The following ORC2 variants were observed in gnomAD, a reference collection of about 807,000 sequenced individuals.
ORC2 encodes the protein origin recognition complex subunit 2, also known as origin recognition complex protein 2 homolog.
ORC2 carries 37 observed loss-of-function variants against 77.7 expected under a neutral mutation model. The ratio of observed to expected loss-of-function variants is 0.48; its 90% CI spans 0.37 to 0.63. The LOEUF is 0.63. Ranked by LOEUF, ORC2 falls within the 20% of genes least tolerant of loss-of-function variation. The pLI, the probability that ORC2 is intolerant of heterozygous loss-of-function variation, is 0.00. For synonymous variants in ORC2, 201 were observed against 229.5 expected (o/e 0.88, Z 1.12); for missense variants, 557 against 661.9 (o/e 0.84, Z 1.74).
At chr2:200,962,860 A>G (rs1394139789) in intron 1 of ORC2, among the ~76,000 whole-genome samples, 1 of 152,232 alleles carries the variant, frequency 6.6e-6, no homozygotes, top group African/African-American at 2.4e-5. Flanking sequence ...AATGAAAAGT[A>G]ACGTCTCAAC....
intron 2 of ORC2, among the ~76,000 whole-genome samples, 177 bp downstream of exon 2, chr2:200,959,215 T>C (rs2041525922): frequency 6.6e-6 from 1 of 152,158 alleles, no homozygotes; most frequent in Non-Finnish European, 1.5e-5. Flanking sequence ...GCTCCTGGAA[T>C]TAAGCAATTT....
Position 200,934,493 on chromosome 2 carries a change from G to GTTTT in ORC2, c.709-523_709-520dup, listed in dbSNP as rs1553496781. On this transcript the variant is annotated intron_variant, in intron 9 of 17. Coordinates refer to ENST00000234296, the MANE Select transcript of ORC2 (RefSeq NM_006190.5). ...CTACACCTGACTAATTTTTTAAATT[G>GTTTT]TTTTTTTTTTTTTTTTGCAGAGACA... Among the ~76,000 whole-genome samples, 4 of 123,528 alleles carry GTTTT rather than the reference G, an allele frequency of 3.2e-5. No homozygotes were observed. In the South Asian group the frequency reaches 8.2e-4, roughly 25 times the overall value. The allele number at this position is 123,528 out of a possible 152,430, so 81.0% of individuals were successfully genotyped here.
chr2:200,950,274 T>A (rs2041328479), intron 4 of ORC2, among the ~76,000 whole-genome samples: 1 of 152,126 alleles, frequency 6.6e-6, no homozygotes, highest in African/African-American at 2.4e-5. Flanking sequence ...GAGGTTGCGG[T>A]GAGCAGAGAT....
intron 11 of ORC2, among the ~76,000 whole-genome samples, chr2:200,927,230 T>C (rs761157088): frequency 6.6e-6 from 1 of 151,954 alleles, no homozygotes; most frequent in African/African-American, 2.4e-5. Flanking sequence ...GCTACAGCTG[T>C]GCACCACCAT....
At chr2:200,914,097 C>G (rs573178318) in intron 15 of ORC2, 105 bp from the exon 16 acceptor site, 1 of 660,154 alleles carries the variant, frequency 1.5e-6, no homozygotes, top group African/African-American at 1.9e-5. Context: ...TTGGCCTATC[C>G]GCATTATCTT....
Position 200,911,294 on chromosome 2 carries a change from G to A in ORC2, c.*7C>T. On this transcript the variant is annotated 3_prime_UTR_variant, in exon 18 of 18. Coordinates refer to ENST00000234296, the MANE Select transcript of ORC2 (RefSeq NM_006190.5). ...TTCCATGGGAGATTCAAGAATAAAG[G>A]AAAGCTTCAAGCCTCCTCTTCTTCC... 1.3e-6 allele frequency: 2 copies of A among 1,576,700 alleles called. No individual in the cohort carries two copies. Among genetic ancestry groups the A allele is most frequent in the Non-Finnish European group, 1.7e-6 (2 of 1,146,232 alleles).
intron 15 of ORC2, among the ~76,000 whole-genome samples, chr2:200,916,993 CTT>C (rs1165127308): frequency 4.7e-5 from 5 of 105,580 alleles, no homozygotes; most frequent in Non-Finnish European, 5.5e-5. Context: ...TGTGCCCCAC[CTT>C]TTTTTTTTTT....
chr2:200,957,843 T>C (rs891626692), intron 3 of ORC2, among the ~76,000 whole-genome samples, 187 bp downstream of exon 3: 1 of 152,182 alleles, frequency 6.6e-6, no homozygotes, highest in African/African-American at 2.4e-5. Flanking sequence ...TATTAGGCTT[T>C]ACTGAACATT....
intron 7 of ORC2, 131 bp downstream of exon 7, chr2:200,941,116 AC>A: frequency 1.6e-6 from 1 of 614,696 alleles, no homozygotes. Context: ...TAGGTATTTA[AC>A]TGCCAAATAT....
intron 4 of ORC2, among the ~76,000 whole-genome samples, chr2:200,953,031 G>A (rs2041391725): frequency 6.7e-6 from 1 of 149,934 alleles, no homozygotes; most frequent in Admixed American, 6.7e-5. Context: ...AGGATCACCT[G>A]AGCCCAGGGA....
In ORC2 at chr2:200,909,171, GTATGA is replaced by G. The variant is rs1360208715; in HGVS notation, c.*2125_*2129del. 1 of 152,116 alleles carries G rather than the reference GTATGA, an allele frequency of 6.6e-6. No homozygotes were observed. Among genetic ancestry groups the G allele is most frequent in the East Asian group, 1.9e-4 (1 of 5,202 alleles). 9.4% of individuals were successfully genotyped at this position (152,116 alleles called of 1,614,324 possible). A position where few individuals can be genotyped will look rare whatever the true frequency, so the allele number is the denominator to read the frequency against. ...AAAAAAGCAAGGTGCAAACCAGCAA[GTATGA>G]TATATTACCAATTGTGTTTTTAAAA... On this transcript the variant is annotated 3_prime_UTR_variant, in exon 18 of 18. Transcript: ENST00000234296.
Position 200,949,586 on chromosome 2 carries a change from T to C in ORC2, c.296A>G (p.Asn99Ser). 6.3e-7 allele frequency: 1 copy of C among 1,598,344 alleles called. No homozygotes were observed. The highest frequency in any genetic ancestry group is 1.1e-5 in the South Asian group (1 of 89,708). ...GGGNKVYSFQ[N>S]RKHSEKMAKL... ...AGCCATCTTTTCAGAGTGTTTTCTA[T>C]TCTGAAAAGAATAAACTTTATTTCC... is the stretch of plus-strand genomic sequence containing the variant. The change falls in exon 5 of 18, where the codon AAT becomes AGT. Residue 99 changes from asparagine to serine, a missense_variant. By Grantham distance (46) the Asn-to-Ser change is conservative. Transcript: ENST00000234296.
Position 200,942,614 on chromosome 2 carries a change from GA to G in ORC2, c.421+70del, listed in dbSNP as rs1313997294. The stretch of plus-strand genomic sequence containing the variant: ...ATATATATAAAAATTCACAAACAAG[GA>G]AAAAAGTAACATGCTCTATCTTGAA... On this transcript the variant is annotated intron_variant, in intron 6 of 17. Transcript: ENST00000234296. The G allele has an allele frequency of 6.8e-5, 50 of 733,208 alleles. No individual in the cohort carries two copies. The East Asian group carries it at 1.2e-3, about 18-fold the overall frequency. The allele number at this position is 733,208 out of a possible 1,614,324, so 45.4% of individuals were successfully genotyped here.
chr2:200,923,675 C>T (rs1346633426), intron 13 of ORC2, among the ~76,000 whole-genome samples: 1 of 152,168 alleles, frequency 6.6e-6, no homozygotes, highest in African/African-American at 2.4e-5. Flanking sequence ...AGGCACATCA[C>T]AGCCTTCTTG....
In ORC2 at chr2:200,925,743, T is replaced by C. The variant is rs1403363817; in HGVS notation, c.1147+93A>G. 27 of 404,136 alleles carry C rather than the reference T, an allele frequency of 6.7e-5. No homozygotes were observed. In the Admixed American group the frequency reaches 9.5e-4, roughly 14 times the overall value. 25.0% of individuals were successfully genotyped at this position (404,136 alleles called of 1,614,324 possible). On this transcript the variant is annotated intron_variant, in intron 13 of 17. Coordinates refer to ENST00000234296, the MANE Select transcript of ORC2 (RefSeq NM_006190.5). ...AACAGAGAGACTGTCTCAAAAATAA[T>C]AATAATAATATTGTATGTATATAAA...
intron 4 of ORC2, among the ~76,000 whole-genome samples, chr2:200,954,606 G>A (rs536311142): frequency 6.6e-6 from 1 of 152,234 alleles, no homozygotes; most frequent in South Asian, 2.1e-4. Context: ...TTCTTGACAG[G>A]TACAATACAT....
In ORC2 at chr2:200,949,660, CA is replaced by C; in HGVS notation, c.239-18del. On this transcript the variant is annotated intron_variant, in intron 4 of 17. Transcript: ENST00000234296. Reference sequence around the variant, plus strand: ...TCAATGATTCTGAAAGAAAAAAATGCAATATACATTTAGGAAAAAAGAACAA... The same window carrying C: ...TCAATGATTCTGAAAGAAAAAAATGCATATACATTTAGGAAAAAAGAACAA... The C allele has an allele frequency of 7.0e-7, 1 of 1,434,714 alleles. No individual in the cohort carries two copies. Among genetic ancestry groups the C allele is most frequent in the Non-Finnish European group, 9.7e-7 (1 of 1,035,174 alleles). The allele number at this position is 1,434,714 out of a possible 1,614,324, so 88.9% of individuals were successfully genotyped here.
intron 11 of ORC2, among the ~76,000 whole-genome samples, chr2:200,927,326 C>T (rs1299506969): frequency 2.0e-5 from 3 of 151,882 alleles, no homozygotes; most frequent in African/African-American, 7.3e-5. Flanking sequence ...TCAAGTAATC[C>T]ACCCACCTTG....
intron 7 of ORC2, among the ~76,000 whole-genome samples, chr2:200,939,658 G>C (rs1185490424): frequency 6.6e-6 from 1 of 152,116 alleles, no homozygotes; most frequent in Non-Finnish European, 1.5e-5. Flanking sequence ...TTGAGCCCAG[G>C]ATCCCCAAGC....
Sources: gnomAD v4.1 joint callset for allele counts (sites outside exome capture counted in the v4.1 genomes callset) on GRCh38, gnomAD v4.1.1 for gene constraint, MANE v1.5 for transcripts, NCBI Gene and HGNC (gene_info 2026-07-23, HGNC 2026-07-21) for gene names.